GALNT17: variants seen among roughly 807,000 people sequenced by gnomAD.
GALNT17 encodes polypeptide N-acetylgalactosaminyltransferase 17, also known as UDP-GalNAc:polypeptide N-acetylgalactosaminyltransferase-like 3.
A neutral mutation model predicts 63.7 loss-of-function variants in GALNT17; 29 were observed. The ratio of observed to expected loss-of-function variants is 0.46; its 90% CI spans 0.34 to 0.62. The LOEUF (loss-of-function observed/expected upper bound fraction) is 0.62. Ranked by LOEUF, GALNT17 falls within the 20% of genes least tolerant of loss-of-function variation. The pLI is 0.01. For synonymous variants in GALNT17, 305 were observed against 318.3 expected (o/e 0.96, Z 0.45); for missense variants, 603 against 799.6 (o/e 0.75, Z 2.97).
intron 1 of GALNT17, among the ~76,000 whole-genome samples, chr7:71,155,490 T>A (rs1788218240): frequency 6.6e-6 from 1 of 151,624 alleles, no homozygotes; most frequent in South Asian, 2.1e-4. Flanking sequence ...CCCGGGCTGG[T>A]CTCCAACTCC....
At chr7:71,248,548 G>A (rs1360830642) in intron 1 of GALNT17, among the ~76,000 whole-genome samples, 1 of 152,148 alleles carries the variant, frequency 6.6e-6, no homozygotes, top group Non-Finnish European at 1.5e-5. Context: ...GAGAACAGTT[G>A]ATGTGTTCAT....
At chr7:71,432,563 G>A (rs1375665434) in intron 5 of GALNT17, among the ~76,000 whole-genome samples, 1 of 152,202 alleles carries the variant, frequency 6.6e-6, no homozygotes, top group Non-Finnish European at 1.5e-5. Context: ...TCTCTGGATT[G>A]TGCGGGGTTT....
intron 6 of GALNT17, among the ~76,000 whole-genome samples, chr7:71,597,949 C>CTTT (rs536969294): frequency 1.4e-5 from 2 of 145,360 alleles, no homozygotes; most frequent in Non-Finnish European, 1.5e-5. Context: ...CTTTCATTTC[C>CTTT]TTTTTTTTTT....
chr7:71,155,367 G>T (rs112842866), intron 1 of GALNT17, among the ~76,000 whole-genome samples: 3 of 151,500 alleles, frequency 2.0e-5, no homozygotes, highest in African/African-American at 7.3e-5. Flanking sequence ...CCAACCTCCC[G>T]GGCTCAAGCA....
chr7:71,150,758 C>T (rs1226503321), intron 1 of GALNT17, among the ~76,000 whole-genome samples: 2 of 151,896 alleles, frequency 1.3e-5, no homozygotes, highest in Middle Eastern at 3.2e-3. Context: ...GATCCGCCCA[C>T]CTCGGCCTCC....
intron 6 of GALNT17, among the ~76,000 whole-genome samples, chr7:71,642,730 G>A (rs937421531): frequency 1.3e-5 from 2 of 152,104 alleles, no homozygotes; most frequent in Admixed American, 1.3e-4. Context: ...AGCTACTGGG[G>A]AGGCTGAGAC....
At chr7:71,230,274 A>G (rs1789763253) in intron 1 of GALNT17, among the ~76,000 whole-genome samples, 1 of 152,040 alleles carries the variant, frequency 6.6e-6, no homozygotes, top group Non-Finnish European at 1.5e-5. Flanking sequence ...GCCAACTAAT[A>G]GCAGATTGAA....
intron 1 of GALNT17, among the ~76,000 whole-genome samples, chr7:71,145,660 T>G (rs1788006336): frequency 6.6e-6 from 1 of 152,176 alleles, no homozygotes; most frequent in African/African-American, 2.4e-5. Context: ...TTCTCCCCTC[T>G]CTTCTTCCCT....
chr7:71,229,871 A>G (rs1412564609), intron 1 of GALNT17, among the ~76,000 whole-genome samples: 1 of 152,196 alleles, frequency 6.6e-6, no homozygotes, highest in Non-Finnish European at 1.5e-5. Flanking sequence ...CCGGAAGGGT[A>G]ATAATGGAAA....
intron 1 of GALNT17, among the ~76,000 whole-genome samples, chr7:71,140,632 C>T (rs1787870361): frequency 1.3e-5 from 2 of 152,174 alleles, no homozygotes; most frequent in African/African-American, 4.8e-5. Context: ...TTACTTAGAG[C>T]TAAGAGTGAC....
At chr7:71,389,969 A>G (rs527516466) in intron 3 of GALNT17, among the ~76,000 whole-genome samples, 5 of 152,172 alleles carry the variant, frequency 3.3e-5, no homozygotes, top group Non-Finnish European at 5.9e-5. Flanking sequence ...AAGGCGTGGC[A>G]TCCAGGGCAA....
At chr7:71,701,443 C>T (rs1357835704) in intron 9 of GALNT17, among the ~76,000 whole-genome samples, 1 of 151,474 alleles carries the variant, frequency 6.6e-6, no homozygotes, top group Non-Finnish European at 1.5e-5. Flanking sequence ...GCCAAGATCA[C>T]GCCATTGTAC....
chr7:71,333,606 A>AT (rs1164908229), intron 1 of GALNT17, among the ~76,000 whole-genome samples: 3 of 151,856 alleles, frequency 2.0e-5, no homozygotes, highest in Non-Finnish European at 4.4e-5. Context: ...CAGCTGTGGG[A>AT]TTTTTGCTCA....
chr7:71,649,566 TG>T (rs138321164), intron 6 of GALNT17, among the ~76,000 whole-genome samples: 33,316 of 151,420 alleles, frequency 0.22, 4,053 homozygotes, highest in Non-Finnish European at 0.27. Flanking sequence ...AGTTCCTTGG[TG>T]GGGGTCTTCA....
At chr7:71,374,111 C>T (rs150706006) in intron 2 of GALNT17, among the ~76,000 whole-genome samples, 1 of 152,036 alleles carries the variant, frequency 6.6e-6, no homozygotes, top group East Asian at 1.9e-4. Context: ...AACTGGAGAC[C>T]ACAGTGAAAT....
At chr7:71,404,213 A>C (rs1793288638) in intron 3 of GALNT17, among the ~76,000 whole-genome samples, 1 of 152,226 alleles carries the variant, frequency 6.6e-6, no homozygotes, top group Non-Finnish European at 1.5e-5. Context: ...ATTTCTCAAC[A>C]AAGGAATTGG....
intron 6 of GALNT17, among the ~76,000 whole-genome samples, chr7:71,581,144 T>A (rs897695020): frequency 2.0e-5 from 3 of 152,074 alleles, no homozygotes; most frequent in African/African-American, 7.2e-5. Context: ...GAGGAAGGGC[T>A]AAACACTTTT....
chr7:71,292,833 T>C lies in GALNT17; in HGVS notation c.239-42717T>C, dbSNP rs555470986. Among the ~76,000 whole-genome samples, 4 of 152,318 alleles carry C rather than the reference T, an allele frequency of 2.6e-5. No individual in the cohort carries two copies. The East Asian group carries it at 5.8e-4, about 22-fold the overall frequency. ...TGTTTGTCTAGTATAACCAAAACTTTGGACCATTTGACCCAAATCACCCCA... is the reference window on the plus strand; with the variant it reads ...TGTTTGTCTAGTATAACCAAAACTTCGGACCATTTGACCCAAATCACCCCA... On this transcript the variant is annotated intron_variant, in intron 1 of 10. Coordinates refer to ENST00000333538, the MANE Select transcript of GALNT17 (RefSeq NM_022479.3).
In GALNT17 at chr7:71,677,252, G is replaced by A. The variant is rs1339122462; in HGVS notation, c.1446G>A (p.Gly482=). Residue 482 remains glycine (G), a synonymous_variant, in exon 9 of 11, where the codon GGG becomes GGA. Transcript: ENST00000333538. ...CAAAAGACGTCTGCTTGGACCAGGGGCCGCTGGAGAACCACACAGCAATAT... is the reference window on the plus strand; with the variant it reads ...CAAAAGACGTCTGCTTGGACCAGGGACCGCTGGAGAACCACACAGCAATAT... ...NKAKDVCLDQ[G]PLENHTAILY... The A allele has an allele frequency of 1.2e-6, 2 of 1,613,986 alleles. No homozygotes were observed. The highest frequency in any genetic ancestry group is 1.7e-6 in the Non-Finnish European group (2 of 1,179,982).
Sources: allele counts gnomAD v4.1 joint callset (sites outside exome capture counted in the v4.1 genomes callset), GRCh38; gene constraint gnomAD v4.1.1; transcripts MANE v1.5; gene names NCBI Gene and HGNC (gene_info 2026-07-23, HGNC 2026-07-21).